The following NOSIP variants were observed in gnomAD, a reference collection of about 807,000 sequenced individuals.
NOSIP encodes nitric oxide synthase-interacting protein.
Under a neutral mutation model 36.4 loss-of-function variants are expected in NOSIP, and 25 were observed. That is an observed-to-expected ratio of 0.69 (90% CI 0.50 to 0.96). NOSIP has a LOEUF of 0.96. Among genes scored for constraint, NOSIP ranks in the 40% least tolerant of loss-of-function variants. The pLI is 0.00. For synonymous variants in NOSIP, 187 were observed against 179.2 expected, an observed-to-expected ratio of 1.04 and a Z score of -0.35; for missense variants, 370 against 429.0, an observed-to-expected ratio of 0.86 and a Z score of 1.21.
intron 1 of NOSIP, among the ~76,000 whole-genome samples, chr19:49,574,716 G>A (rs2080528179): frequency 6.6e-6 from 1 of 152,060 alleles, no homozygotes; most frequent in South Asian, 2.1e-4. Context: ...GCTCTCTGGT[G>A]TCTCCTTCTG....
Position 49,561,901 on chromosome 19 carries a change from G to T in NOSIP, c.-1-1209C>A, listed in dbSNP as rs75917276. 2.0e-5 allele frequency among the ~76,000 whole-genome samples: 3 copies of T among 147,358 alleles called. No individual in the cohort carries two copies. In the South Asian group the frequency reaches 6.7e-4, roughly 33 times the overall value. On this transcript the variant is annotated intron_variant, in intron 1 of 8. Transcript: ENST00000596358. ...TCACAATTAAAAAAAAAAAAAAAAA[G>T]ACATTGCCTAAGCCAAGATAATGCA... is the stretch of plus-strand genomic sequence containing the variant.
At chr19:49,556,812 G>C in intron 6 of NOSIP, 63 bp downstream of exon 6, 8 of 1,595,826 alleles carry the variant, frequency 5.0e-6, no homozygotes, top group Non-Finnish European at 6.0e-6. Context: ...CTGTGCGTGA[G>C]GAGGACGGTG....
At chr19:49,576,589 GA>G (rs968669779) in intron 1 of NOSIP, among the ~76,000 whole-genome samples, 105 of 145,068 alleles carry the variant, frequency 7.2e-4, no homozygotes, top group South Asian at 1.7e-3. Flanking sequence ...TGTCTCTGGG[GA>G]AAAAAAAAAA....
At chr19:49,578,044 A>C in intron 1 of NOSIP, among the ~76,000 whole-genome samples, 1 of 152,144 alleles carries the variant, frequency 6.6e-6, no homozygotes, top group East Asian at 1.9e-4. Context: ...TGATGGTTGC[A>C]CAACTCTGTC....
At chr19:49,568,416 G>A (rs973320413) in intron 1 of NOSIP, among the ~76,000 whole-genome samples, 1 of 152,108 alleles carries the variant, frequency 6.6e-6, no homozygotes, top group Admixed American at 6.6e-5. Context: ...TTGAAGTGCC[G>A]TGTATGTGTG....
At chr19:49,578,802 A>C (rs1329546672) in intron 1 of NOSIP, among the ~76,000 whole-genome samples, 1 of 151,808 alleles carries the variant, frequency 6.6e-6, no homozygotes, top group Non-Finnish European at 1.5e-5. Flanking sequence ...GCCTGCCATC[A>C]TGCCCGGCTA....
Position 49,575,996 on chromosome 19 carries a change from G to A in NOSIP, c.-2+4519C>T, listed in dbSNP as rs535657832. ...AATACAAAAACAAAATTAGCCGGGC[G>A]TGGTGGCGGGCGCCTGTAGTCCCAG... On this transcript the variant is annotated intron_variant, in intron 1 of 8. Coordinates refer to ENST00000596358, the MANE Select transcript of NOSIP (RefSeq NM_001270960.2). Among the ~76,000 whole-genome samples, 10 of 151,902 alleles carry A rather than the reference G, an allele frequency of 6.6e-5. 2 individuals are homozygous for A. Among genetic ancestry groups the A allele is most frequent in the South Asian group, 2.1e-4 (1 of 4,786 alleles).
At chr19:49,567,632 A>G (rs1441451521) in intron 1 of NOSIP, among the ~76,000 whole-genome samples, 2 of 152,130 alleles carry the variant, frequency 1.3e-5, no homozygotes, top group Non-Finnish European at 2.9e-5. Context: ...AGATACTTGT[A>G]ATGCCTACAA....
intron 1 of NOSIP, among the ~76,000 whole-genome samples, chr19:49,573,257 G>T (rs545284931): frequency 3.3e-5 from 5 of 152,268 alleles, no homozygotes; most frequent in Admixed American, 6.5e-5. Context: ...TCTGGGAGTG[G>T]ATCAGACAGC....
chr19:49,575,576 C>A (rs1175552687), intron 1 of NOSIP, among the ~76,000 whole-genome samples: 2 of 152,068 alleles, frequency 1.3e-5, no homozygotes, highest in Non-Finnish European at 2.9e-5. Flanking sequence ...TCTTTACATT[C>A]AATTTCCTGA....
intron 1 of NOSIP, among the ~76,000 whole-genome samples, chr19:49,575,719 C>T (rs1233971636): frequency 6.6e-6 from 1 of 152,226 alleles, no homozygotes; most frequent in African/African-American, 2.4e-5. Flanking sequence ...GCCACAGACA[C>T]ACAAACGGGC....
At position 49,555,646 on chromosome 19, in the gene NOSIP, C is replaced by G. The variant is rs189918179; in HGVS notation, c.*105G>C. On this transcript the variant is annotated 3_prime_UTR_variant, in exon 9 of 9. Coordinates refer to ENST00000596358, the MANE Select transcript of NOSIP (RefSeq NM_001270960.2). ...GTGCGCTGTAGGAGCACTGTTTGCA[C>G]GGCCCTGCATCCTCGCCTGCCCTGT... is the stretch of plus-strand genomic sequence containing the variant. The G allele has an allele frequency of 3.6e-4, 313 of 880,768 alleles. 1 individual carries two copies. The African/African-American group carries it at 4.4e-3, about 12-fold the overall frequency. 54.6% of individuals were successfully genotyped at this position (880,768 alleles called of 1,614,324 possible).
Position 49,560,686 on chromosome 19 carries a change from C to A in NOSIP, c.6G>T (p.Thr2=). 1 of 1,592,112 alleles carries A rather than the reference C, an allele frequency of 6.3e-7. No individual in the cohort carries two copies. Among genetic ancestry groups the A allele is most frequent in the Non-Finnish European group, 8.6e-7 (1 of 1,168,762 alleles). M[T]RHGKNCTAGA... is the part of the protein sequence containing the mutation. ...CTGCGGTGCAGTTCTTGCCATGCCG[C>A]GTCATCCTAGGGAGGAAGGGACAGT... Residue 2 remains threonine, a synonymous_variant, in exon 2 of 9, where the codon ACG becomes ACT. Coordinates refer to ENST00000596358, the MANE Select transcript of NOSIP (RefSeq NM_001270960.2). This position sits in a 1 kb window ranked among gnomAD's most constrained non-coding sequence, Gnocchi z 4.6.
At chr19:49,559,913 C>T (rs372098818) in intron 3 of NOSIP, 21 bp downstream of exon 3, 172 of 1,581,834 alleles carry the variant, frequency 1.1e-4, no homozygotes, top group Non-Finnish European at 1.4e-4. Flanking sequence ...CCAGACCTAC[C>T]CATCCCTGTT....
chr19:49,561,743 G>A (rs1241321885), intron 1 of NOSIP, among the ~76,000 whole-genome samples: 2 of 152,024 alleles, frequency 1.3e-5, no homozygotes, highest in African/African-American at 2.4e-5. Context: ...TTAGCTGGGC[G>A]TGGTGGCACA....
chr19:49,555,863 G>C, intron 8 of NOSIP, 41 bp from the exon 9 acceptor site: 1 of 1,497,466 alleles, frequency 6.7e-7, no homozygotes, highest in Non-Finnish European at 9.3e-7. Flanking sequence ...AGGCCGGCCC[G>C]GGGGTGACCA....
chr19:49,567,809 T>A (rs1471957369), intron 1 of NOSIP, among the ~76,000 whole-genome samples: 1 of 152,058 alleles, frequency 6.6e-6, no homozygotes, highest in African/African-American at 2.4e-5. Context: ...GCAGCTGAGA[T>A]GATAGGTGTC....
At chr19:49,561,070 C>T (rs1340666514) in intron 1 of NOSIP, among the ~76,000 whole-genome samples, 2 of 152,154 alleles carry the variant, frequency 1.3e-5, no homozygotes, top group African/African-American at 4.8e-5. Context: ...TGAATCCACT[C>T]CACCTTCCCT....
Position 49,556,536 on chromosome 19 carries a change from C to T in NOSIP, c.725+13G>A. On this transcript the variant is annotated intron_variant, in intron 7 of 8. Transcript: ENST00000596358. ...CCCGAGTGGTCCCTTCCCTCCCCTC[C>T]CAGGTGACTCACGAGGGCCGCAGCA... is the stretch of plus-strand genomic sequence containing the variant. The T allele has an allele frequency of 1.9e-6, 3 of 1,604,246 alleles. No individual in the cohort carries two copies. In the South Asian group the frequency reaches 3.3e-5, roughly 18 times the overall value.
Sources: gnomAD v4.1 joint callset for allele counts (sites outside exome capture counted in the v4.1 genomes callset) on GRCh38, gnomAD v4.1.1 for gene constraint, Gnocchi (gnomAD v3.1) non-coding constraint, MANE v1.5 for transcripts, NCBI Gene and HGNC (gene_info 2026-07-23, HGNC 2026-07-21) for gene names.